Variants in C20orf96 observed in about 807,000 individuals in gnomAD.
The protein encoded by C20orf96 is uncharacterized protein C20orf96.
A neutral mutation model predicts 52.6 loss-of-function variants in C20orf96; 57 were observed. The ratio of observed to expected loss-of-function variants is 1.08; its 90% CI spans 0.88 to 1.35. The LOEUF (loss-of-function observed/expected upper bound fraction) is 1.35. Among genes scored for constraint, C20orf96 ranks in the 40% most tolerant of loss-of-function variants. The pLI is 0.00. For synonymous variants in C20orf96, 168 were observed against 157.2 expected (o/e 1.07, Z -0.51); for missense variants, 478 against 443.6 (o/e 1.08, Z -0.70).
Position 278,406 on chromosome 20 carries a change from G to A in C20orf96, c.489C>T (p.Tyr163=). 3 of 1,613,842 alleles carry A rather than the reference G, an allele frequency of 1.9e-6. No individual in the cohort carries two copies. Among genetic ancestry groups the A allele is most frequent in the East Asian group, 2.2e-5 (1 of 44,870 alleles). Reference sequence around the variant, plus strand: ...ATTGCTGCAGCCTCTTCTTGTTTGAGTACTCCAAGATGTCGATGATGGTCT... The same window carrying A: ...ATTGCTGCAGCCTCTTCTTGTTTGAATACTCCAAGATGTCGATGATGGTCT... The part of the protein sequence containing the change: ...TLATIIDILE[Y]SNKKRLQQLK... The change falls in exon 6 of 11, where the codon TAC becomes TAT. Residue 163 remains tyrosine, a synonymous_variant. Transcript: ENST00000360321.
In C20orf96 at chr20:276,065, T is replaced by A; in HGVS notation, c.934A>T (p.Asn312Tyr). ...FREIIDQFEE[N>Y]MPVLRAEVEE... Reference sequence around the variant, plus strand: ...ACCTCGGCCCTTAATACAGGCATGTTCTCCTCAAACTGGTCAATAATCTGA... The same window carrying A: ...ACCTCGGCCCTTAATACAGGCATGTACTCCTCAAACTGGTCAATAATCTGA... Residue 312 changes from asparagine (N) to tyrosine (Y), a missense_variant, in exon 10 of 11, where the codon AAC becomes TAC. Coordinates refer to ENST00000360321, the MANE Select transcript of C20orf96 (RefSeq NM_153269.3). 1 of 1,614,086 alleles carries A rather than the reference T, an allele frequency of 6.2e-7. No homozygotes were observed. Among genetic ancestry groups the A allele is most frequent in the South Asian group, 1.1e-5 (1 of 91,080 alleles).
At position 270,886 on chromosome 20, in the gene C20orf96, G is replaced by A; in HGVS notation, c.*321C>T. 1 of 340,348 alleles carries A rather than the reference G, an allele frequency of 2.9e-6. No individual in the cohort carries two copies. Among genetic ancestry groups the A allele is most frequent in the Non-Finnish European group, 5.4e-6 (1 of 185,794 alleles). 21.1% of individuals were successfully genotyped at this position (340,348 alleles called of 1,614,324 possible). A position where few individuals can be genotyped will look rare whatever the true frequency, so the allele number is the denominator to read the frequency against. On this transcript the variant is annotated 3_prime_UTR_variant, in exon 11 of 11. Transcript: ENST00000360321. ...AAGCAAATGTAAATCCAGCTTTATTGGTAAAAAAGGAATAGCAGATTTAAT... is the reference window on the plus strand; with the variant it reads ...AAGCAAATGTAAATCCAGCTTTATTAGTAAAAAAGGAATAGCAGATTTAAT...
chr20:290,527 G>C (rs7263309), intron 1 of C20orf96, 64 bp downstream of exon 1: 174,341 of 1,583,862 alleles, frequency 0.11, 10,159 homozygotes, highest in African/African-American at 0.16. Flanking sequence ...CAGCGGCGGG[G>C]TGTGAAGTAC....
intron 3 of C20orf96, among the ~76,000 whole-genome samples, chr20:286,933 CT>C (rs1415263270): frequency 6.6e-6 from 1 of 151,998 alleles, no homozygotes; most frequent in African/African-American, 2.4e-5. Flanking sequence ...TGGGGATTGG[CT>C]TTTTTTTACT....
intron 3 of C20orf96, among the ~76,000 whole-genome samples, chr20:287,021 TC>T (rs1245524953): frequency 2.0e-5 from 3 of 152,266 alleles, no homozygotes; most frequent in African/African-American, 7.2e-5. Flanking sequence ...TGTATAGTTT[TC>T]CACGGTGGGG....
chr20:277,465 CAAGGT>C, intron 6 of C20orf96, 82 bp from the exon 7 acceptor site: 3 of 1,474,522 alleles, frequency 2.0e-6, no homozygotes, highest in Non-Finnish European at 2.8e-6. Context: ...GCCCAGGAGG[CAAGGT>C]CTCCTTGGCC....
At chr20:286,716 T>C (rs569723695) in intron 3 of C20orf96, among the ~76,000 whole-genome samples, 127 of 152,270 alleles carry the variant, frequency 8.3e-4, no homozygotes, top group African/African-American at 3.0e-3. Flanking sequence ...AACCAGGATA[T>C]TGACATTAAG....
At chr20:283,068 T>C (rs1600189216) in intron 4 of C20orf96, among the ~76,000 whole-genome samples, 1 of 152,352 alleles carries the variant, frequency 6.6e-6, no homozygotes, top group East Asian at 1.9e-4. Context: ...AATTATTCTA[T>C]AGTATTTTGT....
chr20:278,856 G>A (rs1444105098), intron 5 of C20orf96, among the ~76,000 whole-genome samples: 1 of 132,352 alleles, frequency 7.6e-6, no homozygotes, highest in Non-Finnish European at 1.6e-5. Context: ...GAAGGGTGAA[G>A]AAATGCGTCT....
intron 3 of C20orf96, among the ~76,000 whole-genome samples, chr20:285,350 A>G (rs897191140): frequency 6.6e-6 from 1 of 152,234 alleles, no homozygotes. Flanking sequence ...TGCTTCAGGT[A>G]CAACCCAGCT....
At chr20:290,091 A>G (rs1356762001) in intron 2 of C20orf96, among the ~76,000 whole-genome samples, 168 bp downstream of exon 2, 2 of 152,146 alleles carry the variant, frequency 1.3e-5, no homozygotes, top group Non-Finnish European at 2.9e-5. Context: ...GAGAAAAATG[A>G]GGTTCTGAGG....
intron 4 of C20orf96, among the ~76,000 whole-genome samples, chr20:282,318 G>A (rs944187191): frequency 1.3e-5 from 2 of 152,044 alleles, no homozygotes; most frequent in African/African-American, 4.8e-5. Flanking sequence ...CTTGTTGATT[G>A]TCAGTCTCCC....
chr20:279,173 G>T lies in C20orf96; in HGVS notation c.464C>A (p.Ala155Glu). 1.3e-6 allele frequency: 2 copies of T among 1,592,470 alleles called. No individual in the cohort carries two copies. Among genetic ancestry groups the T allele is most frequent in the Non-Finnish European group, 1.7e-6 (2 of 1,174,122 alleles). ...GCGGGCGGATGCCGCGGGTCTCACC[G>T]CCAGGGTGTCCTGCTGCTGCAGCAG... ...RALLQQQDTL[A>E]TIIDILEYSN... Residue 155 changes from alanine (A) to glutamate (E), a missense_variant and splice_region_variant, in exon 5 of 11, where the codon GCG becomes GAG. Physicochemically the swap from Ala to Glu is moderately radical, Grantham distance 107. Coordinates refer to ENST00000360321, the MANE Select transcript of C20orf96 (RefSeq NM_153269.3).
intron 3 of C20orf96, among the ~76,000 whole-genome samples, chr20:285,152 G>C (rs2012351713): frequency 6.6e-6 from 1 of 152,220 alleles, no homozygotes; most frequent in Non-Finnish European, 1.5e-5. Flanking sequence ...CGAAGGCACA[G>C]CAGCCACGCA....
Position 286,441 on chromosome 20 carries a change from C to T in C20orf96, c.188-2360G>A, listed in dbSNP as rs1339711583. 2.6e-5 allele frequency among the ~76,000 whole-genome samples: 4 copies of T among 151,306 alleles called. No individual in the cohort carries two copies. In the East Asian group the frequency reaches 7.8e-4, roughly 30 times the overall value. ...CTGAGGCAGGGGAATCGCTTGAACC[C>T]GGGAGTTGGAGGTTACAGTGAGCTG... On this transcript the variant is annotated intron_variant, in intron 3 of 10. Transcript: ENST00000360321.
At chr20:276,663 G>A in intron 9 of C20orf96, 130 bp downstream of exon 9, 1 of 1,488,060 alleles carries the variant, frequency 6.7e-7, no homozygotes, top group Non-Finnish European at 9.0e-7. Context: ...CGGCAAGGAG[G>A]GAGGCCAACA....
chr20:275,909 A>T, intron 10 of C20orf96, 59 bp downstream of exon 10: 1 of 1,499,708 alleles, frequency 6.7e-7, no homozygotes, highest in Non-Finnish European at 9.3e-7. Context: ...AAGAACAGAG[A>T]GCCTCCGTGA....
chr20:281,088 C>T (rs1374999202), intron 4 of C20orf96, among the ~76,000 whole-genome samples: 2 of 151,998 alleles, frequency 1.3e-5, no homozygotes, highest in African/African-American at 2.4e-5. Flanking sequence ...CCCAGAAGAT[C>T]GAGGCTGCAG....
chr20:274,240 C>G (rs1443858037), intron 10 of C20orf96, among the ~76,000 whole-genome samples: 1 of 151,868 alleles, frequency 6.6e-6, no homozygotes, highest in African/African-American at 2.4e-5. Context: ...TTCCCTTCCA[C>G]GTGGAAGGGC....
Sources: gnomAD v4.1 joint callset for allele counts (sites outside exome capture counted in the v4.1 genomes callset) on GRCh38, gnomAD v4.1.1 for gene constraint, MANE v1.5 for transcripts, NCBI Gene and HGNC (gene_info 2026-07-23, HGNC 2026-07-21) for gene names.